VAMP3: variants seen among roughly 807,000 people sequenced by gnomAD.
VAMP3 encodes vesicle associated membrane protein 3.
VAMP3 carries 11 observed loss-of-function variants against 18.1 expected under a neutral mutation model. The ratio of observed to expected loss-of-function variants is 0.61; its 90% CI spans 0.38 to 1.00. The LOEUF is 1.00. Among genes scored for constraint, VAMP3 ranks in the 50% least tolerant of loss-of-function variants. The pLI, the probability that VAMP3 is intolerant of heterozygous loss-of-function variation, is 0.01. For missense variants in VAMP3, 122 were observed against 127.3 expected, an observed-to-expected ratio of 0.96 and a Z score of 0.20; for synonymous variants, 49 against 43.1, an observed-to-expected ratio of 1.14 and a Z score of -0.53.
At chr1:7,776,726 T>A (rs1391514996) in intron 2 of VAMP3, 1 of 153,158 alleles carries the variant, frequency 6.5e-6, no homozygotes, top group Non-Finnish European at 1.5e-5. Context: ...AGCCCATTTT[T>A]TCTAAAGTGA....
At chr1:7,771,430 G>A (rs932967411) in intron 1 of VAMP3, 45 bp downstream of exon 1, 2 of 1,520,474 alleles carry the variant, frequency 1.3e-6, no homozygotes, top group Non-Finnish European at 1.8e-6. Context: ...CCCCGCAGGC[G>A]GCAGCTCGCG....
At chr1:7,776,977 T>G in intron 2 of VAMP3, 183 bp from the exon 3 acceptor site, 1 of 490,794 alleles carries the variant, frequency 2.0e-6, no homozygotes, top group Non-Finnish European at 3.4e-6. Context: ...CGGCTGATTT[T>G]CTTATGTTTT....
Position 7,779,923 on chromosome 1 carries a change from T to C in VAMP3, c.*278T>C. 2.6e-6 allele frequency: 1 copy of C among 383,382 alleles called. No individual in the cohort carries two copies. Among genetic ancestry groups the C allele is most frequent in the Non-Finnish European group, 4.7e-6 (1 of 213,538 alleles). 23.7% of individuals were successfully genotyped at this position (383,382 alleles called of 1,614,324 possible). A position where few individuals can be genotyped will look rare whatever the true frequency, so the allele number is the denominator to read the frequency against. On this transcript the variant is annotated 3_prime_UTR_variant, in exon 5 of 5. Coordinates refer to ENST00000054666, the MANE Select transcript of VAMP3 (RefSeq NM_004781.4). ...AGAGTGCTATAATCTAGATGTAATG[T>C]TGTCACTAATTAATTGCCATTACTC...
intron 1 of VAMP3, 94 bp from the exon 2 acceptor site, chr1:7,773,348 G>A: frequency 1.0e-6 from 1 of 999,258 alleles, no homozygotes; most frequent in Non-Finnish European, 1.5e-6. Context: ...GTAAGAGATT[G>A]TTAACAGTGA....
intron 4 of VAMP3, 30 bp downstream of exon 4, chr1:7,778,199 A>G: frequency 6.2e-7 from 1 of 1,611,986 alleles, no homozygotes; most frequent in Non-Finnish European, 8.5e-7. Context: ...ACTGATTGGA[A>G]AAGTCTTCTC....
intron 2 of VAMP3, among the ~76,000 whole-genome samples, chr1:7,773,842 G>A (rs568978502): frequency 1.1e-4 from 16 of 152,326 alleles, no homozygotes; most frequent in African/African-American, 3.8e-4. Context: ...CAATGTTAAG[G>A]ATTAGGTCTT....
At chr1:7,779,580 T>TA in intron 4 of VAMP3, 46 bp from the exon 5 acceptor site, 1 of 1,613,944 alleles carries the variant, frequency 6.2e-7, no homozygotes, top group Non-Finnish European at 8.5e-7. Flanking sequence ...ACTGAGAGAC[T>TA]AACCTGCTGT....
chr1:7,778,266 C>G (rs771687477), intron 4 of VAMP3, 97 bp downstream of exon 4: 5 of 1,501,960 alleles, frequency 3.3e-6, no homozygotes, highest in Non-Finnish European at 3.7e-6. Flanking sequence ...AATTTCCCTC[C>G]GAAATGTTAG....
At chr1:7,778,346 C>G (rs971450781) in intron 4 of VAMP3, among the ~76,000 whole-genome samples, 177 bp downstream of exon 4, 11 of 152,040 alleles carry the variant, frequency 7.2e-5, no homozygotes, top group African/African-American at 2.7e-4. Context: ...TGAGACCAGC[C>G]TGGGCAACAT....
chr1:7,775,807 T>C lies in VAMP3; in HGVS notation c.73-1353T>C, dbSNP rs200841022. 3.2e-4 allele frequency among the ~76,000 whole-genome samples: 48 copies of C among 152,326 alleles called. 1 individual carries two copies. In the East Asian group the frequency reaches 8.7e-3, roughly 28 times the overall value. On this transcript the variant is annotated intron_variant, in intron 2 of 4. Transcript: ENST00000054666. ...TGTTTTCTTCTAAGAGTTTTATGGC[T>C]TTAGCTCTTACACTTAGATTATTGA... is the stretch of plus-strand genomic sequence containing the variant.
chr1:7,779,149 C>A (rs1448505393), intron 4 of VAMP3, among the ~76,000 whole-genome samples: 1 of 152,080 alleles, frequency 6.6e-6, no homozygotes, highest in African/African-American at 2.4e-5. Context: ...GAGCCAAGAT[C>A]ATGCCACTGC....
At chr1:7,777,823 GAC>G (rs2150366486) in intron 3 of VAMP3, among the ~76,000 whole-genome samples, 1 of 152,298 alleles carries the variant, frequency 6.6e-6, no homozygotes, top group East Asian at 1.9e-4. Context: ...GTTTACAAGT[GAC>G]ACTTTGAGAC....
chr1:7,773,577 GA>G, intron 2 of VAMP3, 66 bp downstream of exon 2: 2 of 1,448,144 alleles, frequency 1.4e-6, no homozygotes, highest in Non-Finnish European at 1.9e-6. Context: ...AATCTGTTTA[GA>G]AAAAGTATCA....
In VAMP3 at chr1:7,777,231, CCGTGCAGA is replaced by C. The variant is rs1457783013; in HGVS notation, c.147_154del (p.Ala50ThrfsTer9). 6.2e-7 allele frequency: 1 copy of C among 1,613,906 alleles called. No individual in the cohort carries two copies. ...ACCAGAAGCTCTCTGAGTTAGACGA[CCGTGCAGA>C]CGCACTGCAGGCAGGCGCTTCTCAA... On this transcript the variant is annotated frameshift_variant, in exon 3 of 5. Coordinates refer to ENST00000054666, the MANE Select transcript of VAMP3 (RefSeq NM_004781.4). LOFTEE classifies it high-confidence loss of function.
At chr1:7,772,425 G>A (rs2097051586) in intron 1 of VAMP3, among the ~76,000 whole-genome samples, 1 of 152,176 alleles carries the variant, frequency 6.6e-6, no homozygotes, top group South Asian at 2.1e-4. Context: ...AGAGAAGAGA[G>A]TAAGAAGACC....
intron 2 of VAMP3, among the ~76,000 whole-genome samples, chr1:7,775,902 C>T (rs987738429): frequency 6.6e-6 from 1 of 152,188 alleles, no homozygotes; most frequent in African/African-American, 2.4e-5. Flanking sequence ...CATGTTGGCT[C>T]TTCAATTGGC....
intron 2 of VAMP3, 171 bp from the exon 3 acceptor site, chr1:7,776,989 A>G: frequency 1.8e-6 from 1 of 548,174 alleles, no homozygotes. Flanking sequence ...TTATGTTTTT[A>G]GTACTGAGAC....
At chr1:7,779,478 T>C (rs1400890337) in intron 4 of VAMP3, 148 bp from the exon 5 acceptor site, 4 of 1,085,168 alleles carry the variant, frequency 3.7e-6, no homozygotes, top group East Asian at 2.5e-5. Context: ...TAGCCCTCTA[T>C]AGAATGGAGA....
At chr1:7,779,598 G>A (rs1244763785) in intron 4 of VAMP3, 28 bp from the exon 5 acceptor site, 8 of 1,613,960 alleles carry the variant, frequency 5.0e-6, no homozygotes, top group Non-Finnish European at 6.8e-6. Context: ...TGTTTCCCCT[G>A]CCTTTTTGCA....
Sources: allele counts gnomAD v4.1 joint callset (sites outside exome capture counted in the v4.1 genomes callset), GRCh38; gene constraint gnomAD v4.1.1; transcripts MANE v1.5; gene names NCBI Gene and HGNC (gene_info 2026-07-23, HGNC 2026-07-21).